Variants in LRRIQ1 observed in about 807,000 individuals in gnomAD.
LRRIQ1 encodes the protein leucine-rich repeat- and IQ domain-containing protein 1.
Under a neutral mutation model 211.9 loss-of-function variants are expected in LRRIQ1, and 210 were observed. That is an observed-to-expected ratio of 0.99 (90% CI 0.89 to 1.11). The LOEUF (loss-of-function observed/expected upper bound fraction) is 1.11. Ranked by LOEUF, LRRIQ1 falls within the 50% of genes most tolerant of loss-of-function variation. LRRIQ1 has a pLI of 0.00. For missense variants in LRRIQ1, 2,136 were observed against 1,939.5 expected (o/e 1.10, Z -1.90); for synonymous variants, 699 against 650.1 (o/e 1.08, Z -1.14).
intron 26 of LRRIQ1, among the ~76,000 whole-genome samples, chr12:85,242,370 A>G (rs937273524): frequency 6.6e-5 from 10 of 151,994 alleles, no homozygotes; most frequent in African/African-American, 2.4e-4. Context: ...ACAATAGAGT[A>G]TAACAACTAT....
At chr12:85,078,975 G>T (rs984644437) in intron 11 of LRRIQ1, among the ~76,000 whole-genome samples, 2 of 152,036 alleles carry the variant, frequency 1.3e-5, no homozygotes, top group Non-Finnish European at 2.9e-5. Flanking sequence ...ACACATTTTT[G>T]TAAATCTCTT....
chr12:85,107,451 A>G (rs1886863587), intron 15 of LRRIQ1, among the ~76,000 whole-genome samples: 1 of 152,130 alleles, frequency 6.6e-6, no homozygotes. Flanking sequence ...TTCTCTAAGA[A>G]TGATTTTAAG....
intron 1 of LRRIQ1, among the ~76,000 whole-genome samples, chr12:85,037,802 TAAC>T (rs1451817941): frequency 2.6e-5 from 4 of 152,004 alleles, no homozygotes; most frequent in Admixed American, 1.3e-4. Flanking sequence ...AACAGAACAT[TAAC>T]AACAACACAT....
At chr12:85,258,281 G>A (rs899307408) in intron 1 of LRRIQ1, among the ~76,000 whole-genome samples, 13 of 151,518 alleles carry the variant, frequency 8.6e-5, no homozygotes, top group African/African-American at 1.5e-4. Flanking sequence ...AGTGATTTTC[G>A]TATTTATATG....
At chr12:85,232,665 TA>T in intron 25 of LRRIQ1, 30 bp from the exon 26 acceptor site, 1 of 1,575,128 alleles carries the variant, frequency 6.3e-7, no homozygotes, top group South Asian at 1.1e-5. Flanking sequence ...ATTTACATTA[TA>T]AAATACTTTC....
At chr12:85,264,878 C>T (rs562874500), downstream of LRRIQ1, among the ~76,000 whole-genome samples, 1 of 152,066 alleles carries the variant, frequency 6.6e-6, no homozygotes, top group Non-Finnish European at 1.5e-5. Context: ...TTAATTCTCA[C>T]CTTTCTGTAA....
At chr12:85,186,676 C>G (rs887955500) in intron 24 of LRRIQ1, among the ~76,000 whole-genome samples, 11 of 152,038 alleles carry the variant, frequency 7.2e-5, no homozygotes, top group Middle Eastern at 3.4e-3. Flanking sequence ...TAATAAGAAG[C>G]CTGTGTAATT....
At chr12:85,254,976 T>A (rs1896047168) in intron 1 of LRRIQ1, among the ~76,000 whole-genome samples, 1 of 151,872 alleles carries the variant, frequency 6.6e-6, no homozygotes, top group African/African-American at 2.4e-5. Flanking sequence ...AGAAAAATCA[T>A]GTTGGAGTTA....
chr12:85,052,322 G>A, intron 7 of LRRIQ1, 71 bp downstream of exon 7: 9 of 808,612 alleles, frequency 1.1e-5, no homozygotes, highest in Non-Finnish European at 1.8e-5. Flanking sequence ...TGCTTGAAAT[G>A]GTTATTTTTA....
At chr12:85,042,345 ATTAAT>A (rs1016185368) in intron 3 of LRRIQ1, among the ~76,000 whole-genome samples, 6 of 149,940 alleles carry the variant, frequency 4.0e-5, no homozygotes, top group African/African-American at 1.2e-4. Context: ...GAAAATTTAA[ATTAAT>A]TTAATTATTT....
chr12:85,247,776 T>G, downstream of LRRIQ1, among the ~76,000 whole-genome samples: 1 of 151,572 alleles, frequency 6.6e-6, no homozygotes, highest in Non-Finnish European at 1.5e-5. Context: ...AGAATTGTCT[T>G]CCTTTTCTGT....
chr12:85,121,637 T>A, intron 15 of LRRIQ1, 60 bp from the exon 16 acceptor site: 1 of 1,263,488 alleles, frequency 7.9e-7, no homozygotes, highest in South Asian at 1.8e-5. Context: ...ATATGGTTAT[T>A]TAGATACATA....
intron 8 of LRRIQ1, among the ~76,000 whole-genome samples, chr12:85,061,573 T>C (rs1162365633): frequency 6.6e-6 from 1 of 151,778 alleles, no homozygotes; most frequent in Non-Finnish European, 1.5e-5. Context: ...GTATAGTTGA[T>C]TGAAAGCAAC....
At chr12:85,141,840 C>A (rs1290683821) in intron 19 of LRRIQ1, among the ~76,000 whole-genome samples, 1 of 150,502 alleles carries the variant, frequency 6.6e-6, no homozygotes, top group Non-Finnish European at 1.5e-5. Flanking sequence ...CTTTTTATTA[C>A]CCTCTTTTGC....
intron 10 of LRRIQ1, among the ~76,000 whole-genome samples, chr12:85,070,095 C>T (rs1045314396): frequency 3.3e-5 from 5 of 151,880 alleles, no homozygotes; most frequent in African/African-American, 7.2e-5. Flanking sequence ...AAACCATAAG[C>T]TCTGTATTTT....
intron 18 of LRRIQ1, among the ~76,000 whole-genome samples, chr12:85,137,586 T>C (rs1230318303): frequency 6.6e-6 from 1 of 151,622 alleles, no homozygotes. Flanking sequence ...AATTGATTGG[T>C]TGACCTACAT....
chr12:85,068,645 C>G (rs1208794377), intron 10 of LRRIQ1, among the ~76,000 whole-genome samples: 1 of 151,726 alleles, frequency 6.6e-6, no homozygotes, highest in Non-Finnish European at 1.5e-5. Context: ...AATAATGAAT[C>G]CTTGTATCAA....
intron 15 of LRRIQ1, among the ~76,000 whole-genome samples, chr12:85,120,957 G>GTT (rs144827702): frequency 4.0e-5 from 6 of 151,170 alleles, no homozygotes; most frequent in African/African-American, 1.2e-4. Flanking sequence ...TTTGTTTTTT[G>GTT]TTTTTTTTGT....
downstream of LRRIQ1, among the ~76,000 whole-genome samples, chr12:85,268,051 A>G (rs1896460858): frequency 1.3e-5 from 2 of 152,024 alleles, no homozygotes; most frequent in South Asian, 2.1e-4. Flanking sequence ...ACAATATTCC[A>G]AAATTAAACC....
Sources: gnomAD v4.1 joint callset for allele counts (sites outside exome capture counted in the v4.1 genomes callset) on GRCh38, gnomAD v4.1.1 for gene constraint, MANE v1.5 for transcripts, NCBI Gene and HGNC (gene_info 2026-07-23, HGNC 2026-07-21) for gene names.